The following TLE5 variants were observed in gnomAD, a reference collection of about 807,000 sequenced individuals.
The protein encoded by TLE5 is TLE family member 5, transcriptional modulator.
In TLE5, 7 loss-of-function variants were observed where a neutral mutation model predicts 25.8. That is an observed-to-expected ratio of 0.27 (90% CI 0.15 to 0.51). The LOEUF (loss-of-function observed/expected upper bound fraction) is 0.51. Among genes scored for constraint, TLE5 ranks in the 20% least tolerant of loss-of-function variants. TLE5 has a pLI of 0.97. For missense variants in TLE5, 149 were observed against 250.7 expected, an observed-to-expected ratio of 0.59 and a Z score of 2.74; for synonymous variants, 132 against 110.5, an observed-to-expected ratio of 1.20 and a Z score of -1.22.
intron 2 of TLE5, among the ~76,000 whole-genome samples, chr19:3,058,432 A>G (rs1437951781): frequency 6.6e-6 from 1 of 152,080 alleles, no homozygotes; most frequent in Non-Finnish European, 1.5e-5. Flanking sequence ...TCCAGACCCA[A>G]ATAGAACGTA....
chr19:3,057,469 T>C (rs2090229110), intron 3 of TLE5: 2 of 560,662 alleles, frequency 3.6e-6, no homozygotes, highest in Admixed American at 3.1e-5. Flanking sequence ...ACCCGGCGGT[T>C]TGGCACCTCG....
chr19:3,053,376 A>AGGAGAGG lies in TLE5; in HGVS notation c.*442_*443insCCTCTCC. On this transcript the variant is annotated 3_prime_UTR_variant, in exon 7 of 7. Coordinates refer to ENST00000327141, the MANE Select transcript of TLE5 (RefSeq NM_001130.6). ...TACCTGGGACCCGGGGTCGGGGGAGACTCGGGGTGCCCAGGACGGGAAAGG... is the reference window on the plus strand; with the variant it reads ...TACCTGGGACCCGGGGTCGGGGGAGAGGAGAGGCTCGGGGTGCCCAGGACGGGAAAGG... 6.0e-5 allele frequency: 10 copies of AGGAGAGG among 165,616 alleles called. No homozygotes were observed. The highest frequency in any genetic ancestry group is 1.8e-4 in the Admixed American group (3 of 16,934). 10.3% of individuals were successfully genotyped at this position (165,616 alleles called of 1,614,324 possible).
At chr19:3,054,086 T>TCGGGGGGGGGGGGGGC in intron 6 of TLE5, 34 bp downstream of exon 6, 2 of 1,512,802 alleles carry the variant, frequency 1.3e-6, no homozygotes, top group Non-Finnish European at 1.8e-6. Context: ...GGCCCACCTG[T>TCGGGGGGGGGGGGGGC]CCCCCGCCCA....
upstream of TLE5, chr19:3,062,966 A>G (rs554861362): frequency 9.1e-5 from 52 of 569,864 alleles, no homozygotes; most frequent in Admixed American, 1.8e-4. Flanking sequence ...CCGCTGCTCC[A>G]GGGCCCTGGG....
chr19:3,053,498 G>C lies in TLE5; in HGVS notation c.*321C>G. The C allele has an allele frequency of 2.3e-6, 1 of 432,180 alleles. No individual in the cohort carries two copies. The highest frequency in any genetic ancestry group is 3.1e-5 in the South Asian group (1 of 31,978). The allele number at this position is 432,180 out of a possible 1,614,324, so 26.8% of individuals were successfully genotyped here. A position where few individuals can be genotyped will look rare whatever the true frequency, so the allele number is the denominator to read the frequency against. On this transcript the variant is annotated 3_prime_UTR_variant, in exon 7 of 7. Coordinates refer to ENST00000327141, the MANE Select transcript of TLE5 (RefSeq NM_001130.6). ...TGTTCAAAACGGGGGAAGGGCCGGG[G>C]CTGCTGCGCTTCGCGAGGTCTTGCT...
In TLE5 at chr19:3,056,363, G is replaced by T. The variant is rs1207891959; in HGVS notation, c.190-7C>A. On this transcript the variant is annotated splice_polypyrimidine_tract_variant and splice_region_variant and intron_variant, in intron 3 of 6. Transcript: ENST00000327141. Reference sequence around the variant, plus strand: ...CGTAGGACATCTCGTAGTACTGTATGGGGGAGAGAGAGGGGGAGCGGGAGA... The same window carrying T: ...CGTAGGACATCTCGTAGTACTGTATTGGGGAGAGAGAGGGGGAGCGGGAGA... 1.2e-5 allele frequency: 16 copies of T among 1,391,066 alleles called. No individual in the cohort carries two copies. The highest frequency in any genetic ancestry group is 1.3e-5 in the Non-Finnish European group (14 of 1,045,664). 86.2% of individuals were successfully genotyped at this position (1,391,066 alleles called of 1,614,324 possible).
chr19:3,058,331 T>C (rs1479034505), intron 2 of TLE5, among the ~76,000 whole-genome samples: 1 of 152,078 alleles, frequency 6.6e-6, no homozygotes, highest in Admixed American at 6.6e-5. Flanking sequence ...CTTTTATAGA[T>C]GACACAGTGG....
At chr19:3,057,799 C>T (rs949726839) in intron 2 of TLE5, 57 bp from the exon 3 acceptor site, 1 of 1,536,562 alleles carries the variant, frequency 6.5e-7, no homozygotes, top group Non-Finnish European at 9.0e-7. Flanking sequence ...GGGAGCCCCC[C>T]ACCCTCCGTT....
At chr19:3,055,626 GC>G (rs751590593) in intron 5 of TLE5, 37 bp downstream of exon 5, 4 of 1,555,874 alleles carry the variant, frequency 2.6e-6, no homozygotes, top group Admixed American at 4.0e-5. Context: ...CAAGTGCGGG[GC>G]CCCCTCACAA....
chr19:3,061,278 G>A (rs1033466861), intron 1 of TLE5, 21 bp from the exon 2 acceptor site: 1 of 1,592,326 alleles, frequency 6.3e-7, no homozygotes, highest in Non-Finnish European at 8.6e-7. Context: ...GGGGCGGCCC[G>A]GGTCAGGCCC....
At chr19:3,055,996 C>T in intron 4 of TLE5, 1 of 514,372 alleles carries the variant, frequency 1.9e-6, no homozygotes, top group Non-Finnish European at 3.4e-6. Context: ...CGGGGGTCGG[C>T]CACTCAGGCC....
chr19:3,056,786 G>A (rs2090223213), intron 3 of TLE5: 1 of 256,322 alleles, frequency 3.9e-6, no homozygotes, highest in African/African-American at 2.4e-5. Context: ...CTGGCTCTGG[G>A]GCCAGCAGCT....
In TLE5 at chr19:3,054,120, T is replaced by C. The variant is rs755242699; in HGVS notation, c.372A>G (p.Arg124=). The change falls in exon 6 of 7, where the codon CGA becomes CGG. Residue 124 remains arginine (R), a splice_region_variant and synonymous_variant. Coordinates refer to ENST00000327141, the MANE Select transcript of TLE5 (RefSeq NM_001130.6). Reference sequence around the variant, plus strand: ...CACCCGCCCAGGTCCCCATACATACTCGGATGATAGAGTTCAGCTCGGGAG... The same window carrying C: ...CACCCGCCCAGGTCCCCATACATACCCGGATGATAGAGTTCAGCTCGGGAG... The part of the protein sequence containing the change: ...VTAPELNSII[R]QQLQAHQLSQ... The C allele has an allele frequency of 7.1e-6, 6 of 840,566 alleles. No individual in the cohort carries two copies. The East Asian group carries it at 2.9e-4, about 41-fold the overall frequency. 52.1% of individuals were successfully genotyped at this position (840,566 alleles called of 1,614,324 possible).
rs1599266189 is a variant in TLE5, at chr19:3,053,343, T to G, written c.*476A>C. ...AGGTGGTGAGTGGGGCAGGTGGAGGTGGGAGCATACCTGGGACCCGGGGTC... is the reference window on the plus strand; with the variant it reads ...AGGTGGTGAGTGGGGCAGGTGGAGGGGGGAGCATACCTGGGACCCGGGGTC... On this transcript the variant is annotated 3_prime_UTR_variant, in exon 7 of 7. Transcript: ENST00000327141. 1 of 162,370 alleles carries G rather than the reference T, an allele frequency of 6.2e-6. No individual in the cohort carries two copies. The highest frequency in any genetic ancestry group is 1.3e-5 in the Non-Finnish European group (1 of 74,354). The allele number at this position is 162,370 out of a possible 1,614,324, so 10.1% of individuals were successfully genotyped here. A position where few individuals can be genotyped will look rare whatever the true frequency, so the allele number is the denominator to read the frequency against.
intron 5 of TLE5, chr19:3,054,410 T>C (rs1489547247): frequency 5.0e-6 from 3 of 597,472 alleles, no homozygotes; most frequent in East Asian, 5.5e-5. Context: ...CAGAGACAAA[T>C]GGAAAAGTGC....
rs912421313 is a variant in TLE5, at chr19:3,053,723, C to T, written c.*96G>A. The stretch of plus-strand genomic sequence containing the variant: ...AAATACTATGGGAGTTTAGCCAATC[C>T]CGAGCTCCGCTGTGTCTTGTGCTAA... On this transcript the variant is annotated 3_prime_UTR_variant, in exon 7 of 7. Transcript: ENST00000327141. 5 of 1,386,878 alleles carry T rather than the reference C, an allele frequency of 3.6e-6. No homozygotes were observed. In the African/African-American group the frequency reaches 7.1e-5, roughly 20 times the overall value. The allele number at this position is 1,386,878 out of a possible 1,614,324, so 85.9% of individuals were successfully genotyped here.
At position 3,062,159 on chromosome 19, in the gene TLE5, A is replaced by G; in HGVS notation, c.27+15T>C. On this transcript the variant is annotated intron_variant, in intron 1 of 6. Transcript: ENST00000327141. ...GATCCGGGGTGGGGGCGCCGGCCGG[A>G]CGGGCCCCGCTTACCGAATGCCTGC... The G allele has an allele frequency of 1.7e-6, 2 of 1,147,900 alleles. No individual in the cohort carries two copies. Among genetic ancestry groups the G allele is most frequent in the Non-Finnish European group, 1.1e-6 (1 of 932,984 alleles). The allele number at this position is 1,147,900 out of a possible 1,614,324, so 71.1% of individuals were successfully genotyped here. A position where few individuals can be genotyped will look rare whatever the true frequency, so the allele number is the denominator to read the frequency against.
chr19:3,061,396 C>T, intron 1 of TLE5, 139 bp from the exon 2 acceptor site: 2 of 548,570 alleles, frequency 3.6e-6, no homozygotes, highest in Non-Finnish European at 6.2e-6. Flanking sequence ...CGGCCCCTGG[C>T]GCGACCCCAC....
In TLE5 at chr19:3,053,448, G is replaced by A; in HGVS notation, c.*371C>T. The A allele has an allele frequency of 3.5e-6, 1 of 283,942 alleles. No homozygotes were observed. The highest frequency in any genetic ancestry group is 4.9e-5 in the South Asian group (1 of 20,278). The allele number at this position is 283,942 out of a possible 1,614,324, so 17.6% of individuals were successfully genotyped here. On this transcript the variant is annotated 3_prime_UTR_variant, in exon 7 of 7. Transcript: ENST00000327141. ...GCAGTACCAGGGTGAGAGGGCTGTG[G>A]CCCAGGCAGACTGTCGGTTACACAT...
Sources: allele counts gnomAD v4.1 joint callset (sites outside exome capture counted in the v4.1 genomes callset), GRCh38; gene constraint gnomAD v4.1.1; transcripts MANE v1.5; gene names NCBI Gene and HGNC (gene_info 2026-07-23, HGNC 2026-07-21).